Variants in PDZRN3 observed in about 807,000 individuals in gnomAD.
PDZRN3 encodes the protein E3 ubiquitin-protein ligase PDZRN3.
PDZRN3 carries 38 observed loss-of-function variants against 85.7 expected under a neutral mutation model. The observed-to-expected ratio is 0.44, with a 90% CI of 0.34 to 0.58. The LOEUF is 0.58. PDZRN3 is among the 20% of genes least tolerant of loss of function. PDZRN3 has a pLI of 0.01. For synonymous variants in PDZRN3, 759 were observed against 638.0 expected (o/e 1.19, Z -2.86); for missense variants, 1,629 against 1,506.4 (o/e 1.08, Z -1.35).
chr3:73,510,783 T>TA (rs1433198255), intron 3 of PDZRN3, among the ~76,000 whole-genome samples: 1 of 152,166 alleles, frequency 6.6e-6, no homozygotes, highest in Non-Finnish European at 1.5e-5. Context: ...ATACATATGA[T>TA]AAAGTTTAAT....
intron 3 of PDZRN3, among the ~76,000 whole-genome samples, chr3:73,536,921 T>C (rs1704800880): frequency 1.3e-5 from 2 of 152,130 alleles, no homozygotes; most frequent in African/African-American, 4.8e-5. Context: ...TTTCGTTGCA[T>C]ATAATCCAGG....
At chr3:73,569,005 G>T (rs564670293) in intron 3 of PDZRN3, 47 of 404,816 alleles carry the variant, frequency 1.2e-4, no homozygotes, top group South Asian at 8.9e-4. Flanking sequence ...TCTCTCAGGA[G>T]GTAGGTATCA....
chr3:73,447,758 C>A (rs1455983851), intron 3 of PDZRN3, among the ~76,000 whole-genome samples: 1 of 152,198 alleles, frequency 6.6e-6, no homozygotes, highest in East Asian at 1.9e-4. Context: ...TGGCCCCAGC[C>A]TTCTGTTAAC....
At chr3:73,599,741 C>T (rs1312113873) in intron 3 of PDZRN3, among the ~76,000 whole-genome samples, 7 of 152,182 alleles carry the variant, frequency 4.6e-5, no homozygotes, top group South Asian at 2.1e-4. Flanking sequence ...ACATCCTGTA[C>T]GGCAAGGCCA....
intron 3 of PDZRN3, among the ~76,000 whole-genome samples, chr3:73,509,200 A>G (rs1029726369): frequency 6.6e-6 from 1 of 152,128 alleles, no homozygotes; most frequent in Admixed American, 6.5e-5. Context: ...TTCCTTTTTT[A>G]CTTTCCAAGC....
chr3:73,402,555 C>G (rs762343756), intron 4 of PDZRN3: 9 of 152,262 alleles, frequency 5.9e-5, no homozygotes, highest in Non-Finnish European at 1.3e-4. Context: ...CACATGTGCA[C>G]ACTGTGAGTG....
intron 3 of PDZRN3, among the ~76,000 whole-genome samples, chr3:73,426,953 T>C (rs1429676904): frequency 5.3e-5 from 8 of 152,208 alleles, no homozygotes; most frequent in Admixed American, 5.2e-4. Flanking sequence ...AAGACCAGCA[T>C]GCAGCACAAC....
At chr3:73,500,187 T>G (rs144585725) in intron 3 of PDZRN3, among the ~76,000 whole-genome samples, 1 of 152,074 alleles carries the variant, frequency 6.6e-6, no homozygotes, top group African/African-American at 2.4e-5. Context: ...TAGCTGGGAC[T>G]ACAGGCATAT....
At chr3:73,581,610 GA>G (rs1241754710) in intron 3 of PDZRN3, among the ~76,000 whole-genome samples, 1 of 152,116 alleles carries the variant, frequency 6.6e-6, no homozygotes, top group Non-Finnish European at 1.5e-5. Flanking sequence ...AAAAAATGCA[GA>G]ACTATTTATG....
At chr3:73,440,653 T>G (rs1017479684) in intron 3 of PDZRN3, among the ~76,000 whole-genome samples, 2 of 152,196 alleles carry the variant, frequency 1.3e-5, no homozygotes, top group Non-Finnish European at 2.9e-5. Context: ...CAAGTCATCT[T>G]TGTAACCCCT....
intron 3 of PDZRN3, among the ~76,000 whole-genome samples, chr3:73,579,467 T>C (rs188370694): frequency 3.3e-5 from 5 of 152,336 alleles, no homozygotes; most frequent in Admixed American, 3.3e-4. Flanking sequence ...TTTAGCGTGT[T>C]AGATATGCCA....
intron 3 of PDZRN3, among the ~76,000 whole-genome samples, chr3:73,551,811 C>G (rs2106806320): frequency 6.6e-6 from 1 of 152,132 alleles, no homozygotes; most frequent in South Asian, 2.1e-4. Flanking sequence ...ATGCTACCTT[C>G]TTGAAGCAGT....
chr3:73,466,776 A>G (rs926049751), intron 3 of PDZRN3, among the ~76,000 whole-genome samples: 7 of 152,296 alleles, frequency 4.6e-5, no homozygotes, highest in South Asian at 4.1e-4. Flanking sequence ...TACACCCCCA[A>G]TGAGGTCTCT....
chr3:73,393,442 C>A (rs1306479972), intron 5 of PDZRN3, among the ~76,000 whole-genome samples: 1 of 152,166 alleles, frequency 6.6e-6, no homozygotes. Flanking sequence ...TCTATAGCAG[C>A]TGGACATTGT....
intron 3 of PDZRN3, among the ~76,000 whole-genome samples, chr3:73,416,900 T>G (rs1220610975): frequency 2.7e-5 from 4 of 145,846 alleles, no homozygotes; most frequent in African/African-American, 7.7e-5. Flanking sequence ...TTTTTTTTTT[T>G]TTTTTTTTTG....
intron 3 of PDZRN3, among the ~76,000 whole-genome samples, chr3:73,423,526 A>C (rs577661018): frequency 6.6e-6 from 1 of 152,218 alleles, no homozygotes; most frequent in Non-Finnish European, 1.5e-5. Flanking sequence ...AAAAAAGATA[A>C]ACTTTTTGCT....
intron 3 of PDZRN3, among the ~76,000 whole-genome samples, chr3:73,574,457 T>G (rs368542553): frequency 0.038 from 4,549 of 118,218 alleles, 40 homozygotes; most frequent in Middle Eastern, 0.071. Context: ...TTGGCTGGGG[T>G]GGGGGGGGTG....
In PDZRN3 at chr3:73,540,087, G is replaced by GAAAA. The variant is rs1168662549; in HGVS notation, c.918+62263_918+62266dup. ...ACAGATGCTCTGAAAACTGTTGGATGAAAAAAAAAAAAAAAAAAAAAAAAC... is the reference window on the plus strand; with the variant it reads ...ACAGATGCTCTGAAAACTGTTGGATGAAAAAAAAAAAAAAAAAAAAAAAAAAAAC... On this transcript the variant is annotated intron_variant, in intron 3 of 9. Transcript: ENST00000263666. Among the ~76,000 whole-genome samples, 114 of 49,982 alleles carry GAAAA rather than the reference G, an allele frequency of 2.3e-3. 1 individual carries two copies. Among genetic ancestry groups the GAAAA allele is most frequent in the Admixed American group, 3.0e-3 (10 of 3,296 alleles). The allele number at this position is 49,982 out of a possible 152,430, so 32.8% of individuals were successfully genotyped here.
intron 3 of PDZRN3, among the ~76,000 whole-genome samples, chr3:73,416,005 CTT>C (rs1421080408): frequency 7.2e-6 from 1 of 139,628 alleles, no homozygotes; most frequent in African/African-American, 2.6e-5. Context: ...AAAAAAAAGA[CTT>C]TGATTTTGAG....
Sources: gnomAD v4.1 joint callset for allele counts (sites outside exome capture counted in the v4.1 genomes callset) on GRCh38, gnomAD v4.1.1 for gene constraint, MANE v1.5 for transcripts, NCBI Gene and HGNC (gene_info 2026-07-23, HGNC 2026-07-21) for gene names.